Variants in CTNNA2 observed in about 807,000 individuals in gnomAD.
CTNNA2 encodes the protein catenin alpha-2.
In CTNNA2, 42 loss-of-function variants were observed where a neutral mutation model predicts 101.0. The observed-to-expected ratio is 0.42, with a 90% CI of 0.32 to 0.54. The LOEUF (loss-of-function observed/expected upper bound fraction) is 0.54. CTNNA2 is among the 20% of genes least tolerant of loss of function. The pLI is 0.14. For synonymous variants in CTNNA2, 450 were observed against 456.4 expected (o/e 0.99, Z 0.18); for missense variants, 871 against 1,223.1 (o/e 0.71, Z 4.29).
At chr2:80,238,348 C>A (rs891497479) in intron 7 of CTNNA2, among the ~76,000 whole-genome samples, 3 of 152,112 alleles carry the variant, frequency 2.0e-5, no homozygotes, top group Admixed American at 1.3e-4. Context: ...AAAGAGCTGG[C>A]CTTGACAGGG....
At chr2:80,343,075 G>C (rs1471228079) in intron 7 of CTNNA2, among the ~76,000 whole-genome samples, 1 of 152,100 alleles carries the variant, frequency 6.6e-6, no homozygotes, top group East Asian at 1.9e-4. Context: ...TGAGGAAACA[G>C]TTACATTGGG....
At chr2:79,255,014 T>C (rs1674822929) in intron 2 of CTNNA2, among the ~76,000 whole-genome samples, 1 of 152,164 alleles carries the variant, frequency 6.6e-6, no homozygotes, top group African/African-American at 2.4e-5. Flanking sequence ...TCTTAAGGCC[T>C]TACCAGAACC....
chr2:80,247,018 C>T (rs1249226077), intron 7 of CTNNA2, among the ~76,000 whole-genome samples: 1 of 152,142 alleles, frequency 6.6e-6, no homozygotes, highest in Non-Finnish European at 1.5e-5. Context: ...ACCATCTCCT[C>T]CTTGATAGAA....
chr2:80,457,039 C>G (rs1260856366), intron 9 of CTNNA2, among the ~76,000 whole-genome samples: 1 of 151,974 alleles, frequency 6.6e-6, no homozygotes, highest in African/African-American at 2.4e-5. Context: ...GATTGATATG[C>G]CCATTGCCCT....
intron 8 of CTNNA2, among the ~76,000 whole-genome samples, chr2:80,412,837 C>T (rs751273163): frequency 2.6e-5 from 4 of 152,062 alleles, no homozygotes; most frequent in Non-Finnish European, 5.9e-5. Context: ...GCAGTCTAGC[C>T]TGGGCACATG....
chr2:79,202,974 A>G (rs1412060419), intron 2 of CTNNA2, among the ~76,000 whole-genome samples: 1 of 152,226 alleles, frequency 6.6e-6, no homozygotes, highest in Non-Finnish European at 1.5e-5. Context: ...ATCCGAATGG[A>G]TTTAAAGTTC....
chr2:79,793,556 C>T (rs925897153), intron 3 of CTNNA2, among the ~76,000 whole-genome samples: 18 of 152,242 alleles, frequency 1.2e-4, no homozygotes, highest in African/African-American at 4.1e-4. Flanking sequence ...TAAAGCTGGC[C>T]TGTACCCTCT....
chr2:79,448,850 G>A (rs1678859667), intron 4 of CTNNA2, among the ~76,000 whole-genome samples: 2 of 151,964 alleles, frequency 1.3e-5, no homozygotes, highest in South Asian at 4.1e-4. Context: ...GCAATTCTGT[G>A]GATTCAGACT....
At chr2:79,727,525 ATCTC>A (rs1287621217) in intron 2 of CTNNA2, among the ~76,000 whole-genome samples, 1 of 151,928 alleles carries the variant, frequency 6.6e-6, no homozygotes, top group Admixed American at 6.6e-5. Context: ...ATTTTAGTCT[ATCTC>A]AGTGGATACA....
chr2:79,909,646 C>T lies in CTNNA2; in HGVS notation c.905C>T (p.Ser302Phe), dbSNP rs1254632873. 20 of 1,613,314 alleles carry T rather than the reference C, an allele frequency of 1.2e-5. No homozygotes were observed. The highest frequency in any genetic ancestry group is 1.5e-5 in the Non-Finnish European group (18 of 1,179,482). ...TTCAGCGAGGCCAGGTTCCGGCCGT[C>T]CCTGGAGGAGAGGCTGGAGAGCATC... is the stretch of plus-strand genomic sequence containing the variant. ...MTFSEARFRP[S>F]LEERLESIIS... Residue 302 changes from serine (S) to phenylalanine (F), a missense_variant, in exon 7 of 19, where the codon TCC (serine) becomes TTC (phenylalanine). Physicochemically the swap from Ser to Phe is radical, Grantham distance 155. This residue lies in a region of CTNNA2 where 647 missense variants were observed against 831.5 expected (regional missense o/e 0.78). Transcript: ENST00000402739.
intron 7 of CTNNA2, among the ~76,000 whole-genome samples, chr2:79,935,397 C>T (rs943830037): frequency 4.7e-5 from 7 of 150,062 alleles, no homozygotes; most frequent in South Asian, 2.1e-4. Flanking sequence ...TTTAAATTTA[C>T]AAAAAGTTGC....
chr2:80,045,251 G>A (rs1013295302), intron 7 of CTNNA2, among the ~76,000 whole-genome samples: 4 of 152,152 alleles, frequency 2.6e-5, no homozygotes, highest in African/African-American at 9.7e-5. Flanking sequence ...TACCCAAGAG[G>A]AGGAGACAGA....
chr2:80,010,702 G>C (rs1246352891), intron 7 of CTNNA2, among the ~76,000 whole-genome samples: 1 of 123,784 alleles, frequency 8.1e-6, no homozygotes, highest in African/African-American at 2.6e-5. Context: ...AGTAATTGTG[G>C]TTTTTGCCAT....
chr2:80,577,990 T>C (rs1227790792), intron 13 of CTNNA2, among the ~76,000 whole-genome samples: 1 of 152,218 alleles, frequency 6.6e-6, no homozygotes, highest in East Asian at 1.9e-4. Flanking sequence ...GTGAAATGAC[T>C]GAATCCTTCA....
At chr2:80,041,634 A>G (rs956062462) in intron 7 of CTNNA2, among the ~76,000 whole-genome samples, 1 of 152,326 alleles carries the variant, frequency 6.6e-6, no homozygotes, top group Non-Finnish European at 1.5e-5. Context: ...ATTTTTCAGT[A>G]CATTCCTGTC....
chr2:80,272,741 A>G (rs1673596342), intron 7 of CTNNA2, among the ~76,000 whole-genome samples: 1 of 152,186 alleles, frequency 6.6e-6, no homozygotes, highest in Admixed American at 6.5e-5. Context: ...TGTCCCATGC[A>G]ATATTTGAGA....
At chr2:79,805,233 G>A (rs879413347) in intron 3 of CTNNA2, among the ~76,000 whole-genome samples, 3 of 152,134 alleles carry the variant, frequency 2.0e-5, no homozygotes, top group Non-Finnish European at 4.4e-5. Flanking sequence ...GACCAGAAAT[G>A]TTTCAGATTT....
intron 7 of CTNNA2, among the ~76,000 whole-genome samples, chr2:80,281,359 G>C (rs182666536): frequency 2.1e-3 from 314 of 152,272 alleles, no homozygotes; most frequent in Admixed American, 3.5e-3. Flanking sequence ...GCTTCTGAGG[G>C]TTTAATCTGG....
At chr2:80,194,426 A>T (rs1899704) in intron 7 of CTNNA2, among the ~76,000 whole-genome samples, 33,690 of 151,970 alleles carry the variant, frequency 0.22, 5,623 homozygotes, top group African/African-American at 0.47. Flanking sequence ...CAGTGCTTCA[A>T]CATGTTTTCA....
Sources: allele counts gnomAD v4.1 joint callset (sites outside exome capture counted in the v4.1 genomes callset), GRCh38; gene constraint gnomAD v4.1.1; regional missense constraint gnomAD v4.1.1; transcripts MANE v1.5; gene names NCBI Gene and HGNC (gene_info 2026-07-23, HGNC 2026-07-21).